GPR158: variants seen among roughly 807,000 people sequenced by gnomAD.
GPR158 encodes metabotropic glycine receptor.
Under a neutral mutation model 78.2 loss-of-function variants are expected in GPR158, and 30 were observed. That is an observed-to-expected ratio of 0.38 (90% CI 0.29 to 0.52). GPR158 has a LOEUF of 0.52. Among genes scored for constraint, GPR158 ranks in the 20% least tolerant of loss-of-function variants. The pLI, the probability that GPR158 is intolerant of heterozygous loss-of-function variation, is 0.83. For synonymous variants in GPR158, 581 were observed against 591.1 expected, an observed-to-expected ratio of 0.98 and a Z score of 0.25; for missense variants, 1,463 against 1,523.5, an observed-to-expected ratio of 0.96 and a Z score of 0.66.
chr10:25,338,530 G>A (rs1167869330), intron 2 of GPR158, among the ~76,000 whole-genome samples: 10 of 74,862 alleles, frequency 1.3e-4, no homozygotes, highest in East Asian at 8.0e-4. Flanking sequence ...CGTATATTAC[G>A]TATATTATAT....
At chr10:25,554,983 C>T (rs1836768590) in intron 6 of GPR158, among the ~76,000 whole-genome samples, 1 of 146,468 alleles carries the variant, frequency 6.8e-6, no homozygotes, top group South Asian at 2.2e-4. Flanking sequence ...GTAATTTATT[C>T]AAAGCTGAAA....
At chr10:25,516,180 G>A (rs1175084521) in intron 5 of GPR158, among the ~76,000 whole-genome samples, 1 of 151,890 alleles carries the variant, frequency 6.6e-6, no homozygotes, top group African/African-American at 2.4e-5. Flanking sequence ...TTTGAGAAGT[G>A]TCTGCTCATG....
At chr10:25,197,253 A>G (rs1395506875) in intron 1 of GPR158, among the ~76,000 whole-genome samples, 1 of 152,222 alleles carries the variant, frequency 6.6e-6, no homozygotes, top group African/African-American at 2.4e-5. Flanking sequence ...GTCTTTAGGT[A>G]GAAGCCATCT....
At chr10:25,535,495 T>C (rs1418554884) in intron 5 of GPR158, among the ~76,000 whole-genome samples, 2 of 152,218 alleles carry the variant, frequency 1.3e-5, no homozygotes, top group African/African-American at 4.8e-5. Flanking sequence ...AGCATGGGCT[T>C]GGAAGTGTAT....
intron 4 of GPR158, among the ~76,000 whole-genome samples, chr10:25,431,132 C>A (rs1281129043): frequency 8.7e-6 from 1 of 114,448 alleles, no homozygotes; most frequent in African/African-American, 3.1e-5. Context: ...GGGCTAATAT[C>A]CAGAATCTAC....
chr10:25,199,331 G>T (rs1208834427), intron 1 of GPR158, among the ~76,000 whole-genome samples: 1 of 152,048 alleles, frequency 6.6e-6, no homozygotes, highest in Non-Finnish European at 1.5e-5. Context: ...CTCTCAAGTA[G>T]CCCTGGTATC....
intron 2 of GPR158, among the ~76,000 whole-genome samples, chr10:25,256,718 C>A (rs922650608): frequency 7.9e-5 from 12 of 152,028 alleles, no homozygotes; most frequent in Non-Finnish European, 1.3e-4. Flanking sequence ...AAAATAAAAA[C>A]AATAGTATGC....
chr10:25,498,512 C>T (rs186129822), intron 5 of GPR158, among the ~76,000 whole-genome samples: 1 of 152,134 alleles, frequency 6.6e-6, no homozygotes, highest in Non-Finnish European at 1.5e-5. Flanking sequence ...CCAGCATTCT[C>T]AAGGCTCTCC....
In GPR158 at chr10:25,599,223, T is replaced by G; in HGVS notation, c.3597T>G (p.Asn1199Lys). ...ALPASSALSA[N>K]KIAGPRKEEI... ...CTGCCTCTTCTGCTCTAAGTGCAAA[T>G]AAGATAGCAGGGCCTAGGAAAGAAG... is the stretch of plus-strand genomic sequence containing the variant. Residue 1199 changes from asparagine to lysine, a missense_variant, in exon 11 of 11, where the codon AAT (asparagine) becomes AAG (lysine). Coordinates refer to ENST00000376351, the MANE Select transcript of GPR158 (RefSeq NM_020752.3). The G allele has an allele frequency of 6.2e-7, 1 of 1,612,436 alleles. No individual in the cohort carries two copies. The highest frequency in any genetic ancestry group is 8.5e-7 in the Non-Finnish European group (1 of 1,179,794).
chr10:25,461,732 T>C (rs1372296019), intron 4 of GPR158, among the ~76,000 whole-genome samples: 9 of 140,626 alleles, frequency 6.4e-5, no homozygotes, highest in African/African-American at 2.6e-4. Flanking sequence ...TCTAGGACTT[T>C]CTTTTTTTTT....
intron 2 of GPR158, among the ~76,000 whole-genome samples, chr10:25,375,273 C>T (rs892895069): frequency 1.3e-4 from 20 of 151,488 alleles, no homozygotes; most frequent in Non-Finnish European, 1.9e-4. Flanking sequence ...TGGAAATATT[C>T]TAGATTCTTT....
intron 6 of GPR158, among the ~76,000 whole-genome samples, chr10:25,552,627 A>T (rs917055411): frequency 3.3e-5 from 5 of 152,210 alleles, no homozygotes; most frequent in African/African-American, 1.2e-4. Context: ...AGCACAAATG[A>T]CTGACCCATG....
At chr10:25,589,626 C>T (rs779209955) in intron 8 of GPR158, among the ~76,000 whole-genome samples, 3 of 152,114 alleles carry the variant, frequency 2.0e-5, no homozygotes, top group Non-Finnish European at 2.9e-5. Flanking sequence ...AATCTGATGA[C>T]TAGATTATCA....
Position 25,175,345 on chromosome 10 carries a change from G to A in GPR158, c.-76G>A. The A allele has an allele frequency of 1.1e-6, 1 of 888,496 alleles. No homozygotes were observed. The highest frequency in any genetic ancestry group is 1.7e-5 in the South Asian group (1 of 60,198). The allele number at this position is 888,496 out of a possible 1,614,324, so 55.0% of individuals were successfully genotyped here. A position where few individuals can be genotyped will look rare whatever the true frequency, so the allele number is the denominator to read the frequency against. ...GAAGACTCCTCGAAAAAGTCTGACT[G>A]TTGAGAAACTGACGATCCAAATTTA... On this transcript the variant is annotated 5_prime_UTR_variant, in exon 1 of 11. Transcript: ENST00000376351. The surrounding 1 kb of genome is among the most constrained non-coding windows in gnomAD (Gnocchi z 6.4).
chr10:25,402,716 G>T (rs536103576), intron 3 of GPR158, among the ~76,000 whole-genome samples: 300 of 152,054 alleles, frequency 2.0e-3, no homozygotes, highest in Middle Eastern at 3.4e-3. Flanking sequence ...TACTATTCTT[G>T]TAGATTTTCT....
chr10:25,314,842 T>TCTC (rs58030888), intron 2 of GPR158, among the ~76,000 whole-genome samples: 1 of 123,818 alleles, frequency 8.1e-6, no homozygotes, highest in African/African-American at 3.8e-5. Context: ...CATATACACG[T>TCTC]ATATACATAC....
intron 2 of GPR158, among the ~76,000 whole-genome samples, chr10:25,250,439 T>A (rs927889213): frequency 6.8e-6 from 1 of 147,458 alleles, no homozygotes; most frequent in African/African-American, 2.5e-5. Context: ...TGCTTTCTCT[T>A]GTGGGCATTT....
intron 5 of GPR158, among the ~76,000 whole-genome samples, chr10:25,484,811 TTTCC>T (rs1477989354): frequency 9.2e-5 from 14 of 152,306 alleles, no homozygotes; most frequent in Middle Eastern, 3.4e-3. Flanking sequence ...CTTCTCAAAT[TTTCC>T]CATGCAGGTC....
At chr10:25,298,583 A>G (rs1854549007) in intron 2 of GPR158, among the ~76,000 whole-genome samples, 1 of 152,100 alleles carries the variant, frequency 6.6e-6, no homozygotes, top group South Asian at 2.1e-4. Flanking sequence ...CTTTCTCATT[A>G]ATTTTTATTT....
Sources: gnomAD v4.1 joint callset for allele counts (sites outside exome capture counted in the v4.1 genomes callset) on GRCh38, gnomAD v4.1.1 for gene constraint, Gnocchi (gnomAD v3.1) non-coding constraint, MANE v1.5 for transcripts, NCBI Gene and HGNC (gene_info 2026-07-23, HGNC 2026-07-21) for gene names.